Variants in HMGCLL1 observed in about 807,000 individuals in gnomAD.
The protein encoded by HMGCLL1 is 3-hydroxy-3-methylglutaryl-CoA lyase like 1, also known as 3-hydroxymethyl-3-methylglutaryl-CoA lyase, cytoplasmic.
Under a neutral mutation model 39.1 loss-of-function variants are expected in HMGCLL1, and 36 were observed. The observed-to-expected ratio is 0.92, with a 90% confidence interval of 0.71 to 1.22. The LOEUF (loss-of-function observed/expected upper bound fraction) is 1.22, where lower values mean the gene tolerates loss of function less well. Ranked by LOEUF, HMGCLL1 falls within the 50% of genes most tolerant of loss-of-function variation. The probability of loss-of-function intolerance (pLI) is 0.00; values close to 1 mark genes in which losing one functional copy is unlikely to be tolerated. For synonymous variants in HMGCLL1, 149 were observed against 144.0 expected (o/e 1.03, Z -0.25); for missense variants, 451 against 416.5 (o/e 1.08, Z -0.72).
At chr6:55,525,456 G>A (rs181853510) in intron 3 of HMGCLL1, among the ~76,000 whole-genome samples, 1 of 151,950 alleles carries the variant, frequency 6.6e-6, no homozygotes, top group Admixed American at 6.6e-5. Flanking sequence ...GATAGCATGG[G>A]GCTCCAAATT....
intron 1 of HMGCLL1, among the ~76,000 whole-genome samples, chr6:55,565,635 C>A (rs544078053): frequency 5.9e-5 from 9 of 152,104 alleles, no homozygotes; most frequent in Non-Finnish European, 1.2e-4. Flanking sequence ...CTTCAAAGAG[C>A]AAGTAGATTT....
the HMGCLL1 span, among the ~76,000 whole-genome samples, chr6:55,596,251 C>T: frequency 1.3e-5 from 2 of 152,022 alleles, no homozygotes; most frequent in African/African-American, 4.8e-5. Context: ...CGCTTGAGCC[C>T]GGGAGGTGGA....
chr6:55,659,244 A>G, the HMGCLL1 span, among the ~76,000 whole-genome samples: 196 of 151,820 alleles, frequency 1.3e-3, 1 homozygote, highest in Non-Finnish European at 2.4e-3. Context: ...CAAGCAAAAA[A>G]CCCCAGAAAA....
chr6:55,459,005 G>A (rs1240569038), intron 7 of HMGCLL1, among the ~76,000 whole-genome samples: 1 of 152,142 alleles, frequency 6.6e-6, no homozygotes, highest in Non-Finnish European at 1.5e-5. Context: ...GAAGATTTTA[G>A]CTTCTTACTA....
At chr6:55,471,802 A>G (rs1765060313) in intron 7 of HMGCLL1, among the ~76,000 whole-genome samples, 1 of 151,808 alleles carries the variant, frequency 6.6e-6, no homozygotes, top group Admixed American at 6.6e-5. Flanking sequence ...AAAATTGAAC[A>G]TTAGCAGCAT....
chr6:55,587,672 A>T, the HMGCLL1 span, among the ~76,000 whole-genome samples: 1 of 152,246 alleles, frequency 6.6e-6, no homozygotes, highest in Admixed American at 6.5e-5. Flanking sequence ...TCACGTGCAG[A>T]GACACACATA....
chr6:55,673,660 A>G, the HMGCLL1 span, among the ~76,000 whole-genome samples: 1 of 152,000 alleles, frequency 6.6e-6, no homozygotes. Flanking sequence ...AGATACAAAT[A>G]ATGCATAATA....
Position 55,446,794 on chromosome 6 carries a change from T to C in HMGCLL1, c.796-7235A>G, listed in dbSNP as rs188550986. Among the ~76,000 whole-genome samples the C allele has an allele frequency of 1.2e-4, 18 of 152,080 alleles. No homozygotes were observed. The East Asian group carries it at 2.9e-3, about 24-fold the overall frequency. On this transcript the variant is annotated intron_variant, in intron 7 of 8. Transcript: ENST00000274901. Reference sequence around the variant, plus strand: ...CATCTTGCAAAATTTCTAATCTATATATTCATGTTTTCAAAATATTTTATG... The same window carrying C: ...CATCTTGCAAAATTTCTAATCTATACATTCATGTTTTCAAAATATTTTATG...
the HMGCLL1 span, among the ~76,000 whole-genome samples, chr6:55,614,396 T>C: frequency 6.6e-6 from 1 of 152,120 alleles, no homozygotes; most frequent in African/African-American, 2.4e-5. Flanking sequence ...AAGAAGGCCC[T>C]CACCAAACAC....
chr6:55,477,138 GATATA>G (rs1240185266), intron 7 of HMGCLL1, among the ~76,000 whole-genome samples: 1 of 60,700 alleles, frequency 1.6e-5, no homozygotes, highest in Non-Finnish European at 3.0e-5. Flanking sequence ...ATATATAATA[GATATA>G]ATATATATAT....
At chr6:55,597,587 G>T in the HMGCLL1 span, among the ~76,000 whole-genome samples, 1 of 151,784 alleles carries the variant, frequency 6.6e-6, no homozygotes, top group Admixed American at 6.6e-5. Flanking sequence ...TACATGTATG[G>T]ATTCTACGGA....
chr6:55,573,445 T>C (rs1378486247), intron 1 of HMGCLL1, among the ~76,000 whole-genome samples: 1 of 152,150 alleles, frequency 6.6e-6, no homozygotes, highest in Non-Finnish European at 1.5e-5. Context: ...TAATAAGTAT[T>C]CAAGAATTTA....
At chr6:55,650,084 CATATACATATAT>C in the HMGCLL1 span, among the ~76,000 whole-genome samples, 9 of 48,042 alleles carry the variant, frequency 1.9e-4, no homozygotes, top group Non-Finnish European at 3.6e-4. Flanking sequence ...TATACACACA[CATATACATATAT>C]ATATATATAT....
At chr6:55,591,078 T>C in the HMGCLL1 span, among the ~76,000 whole-genome samples, 1 of 151,988 alleles carries the variant, frequency 6.6e-6, no homozygotes. Flanking sequence ...AAGACACTTT[T>C]TATGTACATG....
At chr6:55,577,344 TA>T (rs35853188) in intron 1 of HMGCLL1, among the ~76,000 whole-genome samples, 44,608 of 145,976 alleles carry the variant, frequency 0.31, 7,989 homozygotes, top group Non-Finnish European at 0.42. Context: ...AGGGCTGGAC[TA>T]AAAAAAAAAA....
chr6:55,568,998 A>C (rs1157898184), intron 1 of HMGCLL1, among the ~76,000 whole-genome samples: 1 of 152,112 alleles, frequency 6.6e-6, no homozygotes, highest in African/African-American at 2.4e-5. Context: ...TAATGAAAAA[A>C]ACAAGAACAC....
At chr6:55,495,760 T>TA (rs1326050938) in intron 6 of HMGCLL1, among the ~76,000 whole-genome samples, 153 bp from the exon 7 acceptor site, 5 of 152,224 alleles carry the variant, frequency 3.3e-5, no homozygotes, top group African/African-American at 1.2e-4. Context: ...TCCTTTTTCT[T>TA]TGCTTATGAT....
intron 1 of HMGCLL1, among the ~76,000 whole-genome samples, chr6:55,575,162 A>G (rs1031879991): frequency 3.3e-5 from 5 of 152,066 alleles, no homozygotes; most frequent in African/African-American, 1.2e-4. Context: ...AACAGAGACA[A>G]CTACAGAAAA....
the HMGCLL1 span, among the ~76,000 whole-genome samples, chr6:55,647,378 T>C: frequency 6.6e-6 from 1 of 152,030 alleles, no homozygotes; most frequent in Admixed American, 6.6e-5. Context: ...CTGAAGAGTT[T>C]AGTCCATTTA....
Sources: gnomAD v4.1 joint callset for allele counts (sites outside exome capture counted in the v4.1 genomes callset) on GRCh38, gnomAD v4.1.1 for gene constraint, MANE v1.5 for transcripts, NCBI Gene and HGNC (gene_info 2026-07-23, HGNC 2026-07-21) for gene names.